ATP6V1E1: variants seen among roughly 807,000 people sequenced by gnomAD.
ATP6V1E1 encodes V-type proton ATPase subunit E 1.
In ATP6V1E1, 21 loss-of-function variants were observed where a neutral mutation model predicts 35.2. That is an observed-to-expected ratio of 0.60 (90% CI 0.42 to 0.86). The LOEUF is 0.86. Ranked by LOEUF, ATP6V1E1 falls within the 40% of genes least tolerant of loss-of-function variation. ATP6V1E1 has a pLI of 0.00. For synonymous variants in ATP6V1E1, 83 were observed against 87.8 expected (o/e 0.95, Z 0.30); for missense variants, 183 against 272.6 (o/e 0.67, Z 2.32).
intron 7 of ATP6V1E1, 171 bp from the exon 8 acceptor site, chr22:17,594,787 T>C (rs1601368127): frequency 2.1e-6 from 1 of 486,356 alleles, no homozygotes; most frequent in East Asian, 3.7e-5. Flanking sequence ...GCACAGTTGG[T>C]TTCAGGAAAC....
chr22:17,613,395 G>A (rs62238853), intron 2 of ATP6V1E1, 75 bp from the exon 3 acceptor site: 158 of 1,199,498 alleles, frequency 1.3e-4, no homozygotes, highest in Admixed American at 3.7e-4. Context: ...GGTGACCTGC[G>A]TTACTTGCTT....
At chr22:17,609,163 C>CT (rs76589377) in intron 4 of ATP6V1E1, among the ~76,000 whole-genome samples, 52,417 of 151,116 alleles carry the variant, frequency 0.35, 9,428 homozygotes, top group African/African-American at 0.41. Context: ...ACTGCACTTC[C>CT]TTTTTTTTCC....
chr22:17,607,014 C>T (rs1192189132), intron 4 of ATP6V1E1, among the ~76,000 whole-genome samples: 1 of 152,148 alleles, frequency 6.6e-6, no homozygotes, highest in Non-Finnish European at 1.5e-5. Flanking sequence ...CCATCCAAAA[C>T]CACAGCTCCA....
intron 1 of ATP6V1E1, among the ~76,000 whole-genome samples, chr22:17,623,069 T>A (rs1001013275): frequency 7.9e-5 from 12 of 152,218 alleles, no homozygotes; most frequent in Non-Finnish European, 1.6e-4. Flanking sequence ...ACTTTTCTTT[T>A]TTTTCTTATT....
At position 17,609,055 on chromosome 22, in the gene ATP6V1E1, T is replaced by C. The variant is rs563370910; in HGVS notation, c.276+3757A>G. 2.9e-4 allele frequency among the ~76,000 whole-genome samples: 44 copies of C among 151,898 alleles called. No homozygotes were observed. The South Asian group carries it at 3.5e-3, about 12-fold the overall frequency. ...TGAGCTGATATCGCGCCACTGCCACTGCACTCCAGCCTGGGCGATAGAGCG... is the reference window on the plus strand; with the variant it reads ...TGAGCTGATATCGCGCCACTGCCACCGCACTCCAGCCTGGGCGATAGAGCG... On this transcript the variant is annotated intron_variant, in intron 4 of 8. Coordinates refer to ENST00000253413, the MANE Select transcript of ATP6V1E1 (RefSeq NM_001696.4).
At chr22:17,617,825 T>C (rs2057854487) in intron 2 of ATP6V1E1, among the ~76,000 whole-genome samples, 1 of 152,138 alleles carries the variant, frequency 6.6e-6, no homozygotes, top group Admixed American at 6.6e-5. Context: ...TTTTTAATTT[T>C]TTGAGACAAG....
intron 4 of ATP6V1E1, 169 bp downstream of exon 4, chr22:17,612,643 C>T: frequency 1.6e-6 from 1 of 627,330 alleles, no homozygotes; most frequent in African/African-American, 1.9e-5. Context: ...GAAGGTCCTT[C>T]AATACAGGCC....
intron 2 of ATP6V1E1, among the ~76,000 whole-genome samples, chr22:17,617,654 A>G (rs984627622): frequency 2.6e-5 from 4 of 152,096 alleles, no homozygotes; most frequent in African/African-American, 9.7e-5. Flanking sequence ...ATACCTTGGG[A>G]AAAGAACATT....
chr22:17,627,502 G>C (rs958728357), intron 1 of ATP6V1E1, among the ~76,000 whole-genome samples: 1 of 151,684 alleles, frequency 6.6e-6, no homozygotes, highest in Non-Finnish European at 1.5e-5. Context: ...ATGATAGAGG[G>C]GACTTCCCCA....
intron 4 of ATP6V1E1, 101 bp from the exon 5 acceptor site, chr22:17,601,282 T>C: frequency 1.1e-6 from 1 of 878,806 alleles, no homozygotes; most frequent in Non-Finnish European, 1.8e-6. Context: ...TGCCTCACAT[T>C]TTATTGCTGG....
intron 1 of ATP6V1E1, among the ~76,000 whole-genome samples, chr22:17,626,081 C>T (rs2057902994): frequency 6.6e-6 from 1 of 151,796 alleles, no homozygotes; most frequent in African/African-American, 2.4e-5. Flanking sequence ...CCGAGGTGGG[C>T]AGATTACGAG....
At chr22:17,593,415 G>A (rs1229130752) in intron 8 of ATP6V1E1, among the ~76,000 whole-genome samples, 1 of 152,176 alleles carries the variant, frequency 6.6e-6, no homozygotes, top group Non-Finnish European at 1.5e-5. Flanking sequence ...CACAGCAGCT[G>A]CAAAGAACAC....
intron 7 of ATP6V1E1, among the ~76,000 whole-genome samples, chr22:17,595,981 A>G (rs1414681211): frequency 6.6e-6 from 1 of 151,604 alleles, no homozygotes; most frequent in East Asian, 1.9e-4. Context: ...ATACAAAAAA[A>G]ATTAGCGAGG....
chr22:17,610,575 T>G (rs906644784), intron 4 of ATP6V1E1, among the ~76,000 whole-genome samples: 1 of 152,248 alleles, frequency 6.6e-6, no homozygotes, highest in African/African-American at 2.4e-5. Context: ...GACTATAATC[T>G]TTTGCTATAA....
intron 1 of ATP6V1E1, among the ~76,000 whole-genome samples, chr22:17,620,781 C>T (rs1032068360): frequency 5.9e-5 from 9 of 151,902 alleles, no homozygotes; most frequent in Non-Finnish European, 7.4e-5. Flanking sequence ...AGTTCTTTAC[C>T]GGCCGGGCAT....
At chr22:17,614,281 C>T (rs1341251608) in intron 2 of ATP6V1E1, among the ~76,000 whole-genome samples, 1 of 151,104 alleles carries the variant, frequency 6.6e-6, no homozygotes, top group Non-Finnish European at 1.5e-5. Flanking sequence ...ACCTGGGAGG[C>T]GGAGGTTGCA....
Position 17,592,693 on chromosome 22 carries a change from T to G in ATP6V1E1, c.662A>C (p.Asn221Thr). The G allele has an allele frequency of 6.2e-7, 1 of 1,614,180 alleles. No individual in the cohort carries two copies. The highest frequency in any genetic ancestry group is 8.5e-7 in the Non-Finnish European group (1 of 1,180,016). ...GAAGGCTTAGTCCAAAAACTTCCTG[T>G]TGGCATTTGCACCAAACAAGGCTCC... ...VRGALFGANA[N>T]RKFLD The change falls in exon 9 of 9, where the codon AAC becomes ACC. Residue 221 changes from asparagine (N) to threonine (T), a missense_variant. Transcript: ENST00000253413.
intron 1 of ATP6V1E1, among the ~76,000 whole-genome samples, chr22:17,619,876 A>G (rs187399967): frequency 3.3e-4 from 50 of 152,346 alleles, no homozygotes; most frequent in Admixed American, 2.6e-3. Flanking sequence ...ACAGATAAAT[A>G]GGACCTTCAT....
chr22:17,626,200 C>T (rs2057903705), intron 1 of ATP6V1E1, among the ~76,000 whole-genome samples: 1 of 148,508 alleles, frequency 6.7e-6, no homozygotes, highest in Non-Finnish European at 1.5e-5. Flanking sequence ...CCCAGCTTCT[C>T]GGGAGGCTGG....
Sources: allele counts gnomAD v4.1 joint callset (sites outside exome capture counted in the v4.1 genomes callset), GRCh38; gene constraint gnomAD v4.1.1; transcripts MANE v1.5; gene names NCBI Gene and HGNC (gene_info 2026-07-23, HGNC 2026-07-21).